TAF13: variants seen among roughly 807,000 people sequenced by gnomAD.
TAF13 encodes the protein transcription initiation factor TFIID subunit 13.
In TAF13, 9 loss-of-function variants were observed where a neutral mutation model predicts 18.7. That is an observed-to-expected ratio of 0.48 (90% CI 0.29 to 0.84). The LOEUF (loss-of-function observed/expected upper bound fraction) is 0.84. TAF13 is among the 40% of genes least tolerant of loss of function. TAF13 has a pLI of 0.08. For synonymous variants in TAF13, 49 were observed against 44.1 expected, an observed-to-expected ratio of 1.11 and a Z score of -0.44; for missense variants, 105 against 146.5, an observed-to-expected ratio of 0.72 and a Z score of 1.46.
At chr1:109,072,051 C>CAT (rs1216801737) in intron 2 of TAF13, among the ~76,000 whole-genome samples, 3 of 4,742 alleles carry the variant, frequency 6.3e-4, no homozygotes, top group African/African-American at 2.1e-3. Context: ...TATACACACA[C>CAT]ATATATATAT....
At position 109,075,958 on chromosome 1, in the gene TAF13, C is replaced by T. The variant is rs758543852; in HGVS notation, c.-11G>A. The T allele has an allele frequency of 3.7e-6, 6 of 1,614,208 alleles. No homozygotes were observed. Among genetic ancestry groups the T allele is most frequent in the African/African-American group, 1.3e-5 (1 of 75,064 alleles). On this transcript the variant is annotated 5_prime_UTR_variant, in exon 1 of 4. The change creates a new upstream start codon in the 5' untranslated region. Transcript: ENST00000338366. ...TTCCTCATCTGCCATCCCACTAGCA[C>T]GCCAACTCACAGCGTCCTGCCGGCT... is the stretch of plus-strand genomic sequence containing the variant.
At chr1:109,068,381 C>T (rs569018311) in intron 2 of TAF13, among the ~76,000 whole-genome samples, 1 of 152,252 alleles carries the variant, frequency 6.6e-6, no homozygotes, top group South Asian at 2.1e-4. Flanking sequence ...AAGTGATCTG[C>T]CTGCCTTGGC....
At chr1:109,066,882 G>A (rs1007763932) in intron 2 of TAF13, among the ~76,000 whole-genome samples, 2 of 151,960 alleles carry the variant, frequency 1.3e-5, no homozygotes, top group African/African-American at 2.4e-5. Context: ...ACCACGCCCG[G>A]CTAATTTTTT....
In TAF13 at chr1:109,064,688, G is replaced by A; in HGVS notation, c.210C>T (p.His70=). 2 of 1,500,692 alleles carry A rather than the reference G, an allele frequency of 1.3e-6. No individual in the cohort carries two copies. Among genetic ancestry groups the A allele is most frequent in the South Asian group, 2.8e-5 (2 of 70,858 alleles). 93.0% of individuals were successfully genotyped at this position (1,500,692 alleles called of 1,614,324 possible). A position where few individuals can be genotyped will look rare whatever the true frequency, so the allele number is the denominator to read the frequency against. ...LVIEFITEMT[H]KAMSIGRQGR... Reference sequence around the variant, plus strand: ...CTTGTCTTCCAATTGACATTGCCTTGTGAGTCTATTACAAAGAAACATATT... The same window carrying A: ...CTTGTCTTCCAATTGACATTGCCTTATGAGTCTATTACAAAGAAACATATT... The change falls in exon 4 of 4, where the codon CAC becomes CAT. Residue 70 remains histidine (H), a synonymous_variant. Transcript: ENST00000338366.
At position 109,075,940 on chromosome 1, in the gene TAF13, T is replaced by C; in HGVS notation, c.8A>G (p.Asp3Gly). The change falls in exon 1 of 4, where the codon GAT becomes GGT. Residue 3 changes from aspartate to glycine, a missense_variant. Coordinates refer to ENST00000338366, the MANE Select transcript of TAF13 (RefSeq NM_005645.4). MADEEEDPTFEEE... is the reference protein window; with the variant it reads MAGEEEDPTFEEE... ...ACTCACCGTGGGGTCTTCTTCCTCA[T>C]CTGCCATCCCACTAGCACGCCAACT... 1 of 1,614,234 alleles carries C rather than the reference T, an allele frequency of 6.2e-7. No individual in the cohort carries two copies. The highest frequency in any genetic ancestry group is 8.5e-7 in the Non-Finnish European group (1 of 1,180,038).
At chr1:109,070,194 A>G (rs993229270) in intron 2 of TAF13, among the ~76,000 whole-genome samples, 3 of 151,948 alleles carry the variant, frequency 2.0e-5, no homozygotes, top group Non-Finnish European at 4.4e-5. Flanking sequence ...TGACTTTTTC[A>G]TCTTTCAAAA....
rs573449327 is a variant in TAF13, at chr1:109,064,685, C to T, written c.213G>A (p.Lys71=). The T allele has an allele frequency of 1.1e-5, 17 of 1,501,048 alleles. No individual in the cohort carries two copies. In the East Asian group the frequency reaches 4.0e-4, roughly 35 times the overall value. The allele number at this position is 1,501,048 out of a possible 1,614,324, so 93.0% of individuals were successfully genotyped here. The stretch of plus-strand genomic sequence containing the variant: ...GACCTTGTCTTCCAATTGACATTGC[C>T]TTGTGAGTCTATTACAAAGAAACAT... The part of the protein sequence containing the change: ...VIEFITEMTH[K]AMSIGRQGRV... Residue 71 remains lysine (K), a synonymous_variant, in exon 4 of 4, where the codon AAG becomes AAA. Transcript: ENST00000338366.
intron 1 of TAF13, 80 bp downstream of exon 1, chr1:109,075,841 C>A (rs1231096262): frequency 1.3e-6 from 2 of 1,590,198 alleles, no homozygotes; most frequent in Admixed American, 1.7e-5. Context: ...GGCAAGCAGA[C>A]CCGATCCTGA....
intron 3 of TAF13, 87 bp from the exon 4 acceptor site, chr1:109,064,780 A>C: frequency 8.9e-7 from 1 of 1,124,768 alleles, no homozygotes; most frequent in Non-Finnish European, 1.2e-6. Flanking sequence ...CAAGTGAGGT[A>C]GAAGATTTTC....
intron 2 of TAF13, among the ~76,000 whole-genome samples, chr1:109,066,742 A>T (rs192216272): frequency 6.6e-6 from 1 of 152,204 alleles, no homozygotes; most frequent in African/African-American, 2.4e-5. Flanking sequence ...CTTGAGACAG[A>T]GTCTCGCTCT....
chr1:109,071,041 A>C (rs1032403488), intron 2 of TAF13, among the ~76,000 whole-genome samples: 1 of 152,238 alleles, frequency 6.6e-6, no homozygotes, highest in African/African-American at 2.4e-5. Context: ...TCATGCCTGT[A>C]ATCCTAGCAC....
intron 3 of TAF13, among the ~76,000 whole-genome samples, chr1:109,065,546 GAA>G (rs36042268): frequency 2.1e-5 from 3 of 143,422 alleles, no homozygotes; most frequent in Non-Finnish European, 3.1e-5. Context: ...AAAAGGAGGG[GAA>G]AAAAAAAAAC....
chr1:109,075,605 G>A (rs910207529), intron 1 of TAF13, among the ~76,000 whole-genome samples: 2 of 152,120 alleles, frequency 1.3e-5, no homozygotes, highest in Non-Finnish European at 2.9e-5. Flanking sequence ...TTCACAGTAA[G>A]TACAGTTTTG....
At chr1:109,068,996 T>C (rs867683360) in intron 2 of TAF13, among the ~76,000 whole-genome samples, 3 of 152,074 alleles carry the variant, frequency 2.0e-5, no homozygotes, top group Non-Finnish European at 4.4e-5. Flanking sequence ...AGGGAGACTC[T>C]GCCTCAAAAA....
At chr1:109,065,781 G>A (rs1169493199) in intron 3 of TAF13, among the ~76,000 whole-genome samples, 7 of 152,018 alleles carry the variant, frequency 4.6e-5, no homozygotes, top group Admixed American at 4.6e-4. Flanking sequence ...AATTAGCTGG[G>A]TGTGGTGATG....
intron 1 of TAF13, among the ~76,000 whole-genome samples, 197 bp downstream of exon 1, chr1:109,075,724 G>A (rs1313434392): frequency 1.3e-5 from 2 of 152,134 alleles, no homozygotes; most frequent in East Asian, 3.8e-4. Flanking sequence ...AAAATCAAGG[G>A]GAAAGGGGTC....
chr1:109,073,954 AG>A (rs1460038829), intron 2 of TAF13, among the ~76,000 whole-genome samples: 1 of 150,276 alleles, frequency 6.7e-6, no homozygotes, highest in Non-Finnish European at 1.5e-5. Context: ...CCCGTCTGGG[AG>A]GTGAGGAGCG....
chr1:109,072,667 C>T (rs1007875719), intron 2 of TAF13, among the ~76,000 whole-genome samples: 21 of 151,970 alleles, frequency 1.4e-4, no homozygotes, highest in African/African-American at 4.8e-4. Flanking sequence ...CTGGTCTTGA[C>T]CTCCTGGGCT....
At position 109,064,682 on chromosome 1, in the gene TAF13, TG is replaced by T. The variant is rs1272260986; in HGVS notation, c.215del (p.Ala72GlufsTer18). 6 of 1,516,714 alleles carry T rather than the reference TG, an allele frequency of 4.0e-6. No individual in the cohort carries two copies. Among genetic ancestry groups the T allele is most frequent in the Non-Finnish European group, 5.3e-6 (6 of 1,133,844 alleles). 94.0% of individuals were successfully genotyped at this position (1,516,714 alleles called of 1,614,324 possible). ...CTCGACCTTGTCTTCCAATTGACAT[TG>T]CCTTGTGAGTCTATTACAAAGAAAC... ...IEFITEMTHK[A>X]MSIGRQGRVQ... On this transcript the variant is annotated frameshift_variant, in exon 4 of 4. Transcript: ENST00000338366. LOFTEE classifies it high-confidence loss of function.
Sources: allele counts gnomAD v4.1 joint callset (sites outside exome capture counted in the v4.1 genomes callset), GRCh38; gene constraint gnomAD v4.1.1; transcripts MANE v1.5; gene names NCBI Gene and HGNC (gene_info 2026-07-23, HGNC 2026-07-21).